The following BCAR3 variants were observed in gnomAD, a reference collection of about 807,000 sequenced individuals.
The protein encoded by BCAR3 is breast cancer anti-estrogen resistance protein 3.
BCAR3 carries 37 observed loss-of-function variants against 80.1 expected under a neutral mutation model. The observed-to-expected ratio is 0.46, with a 90% CI of 0.36 to 0.61. The LOEUF (loss-of-function observed/expected upper bound fraction) is 0.61, where lower values mean the gene tolerates loss of function less well. Among genes scored for constraint, BCAR3 ranks in the 20% least tolerant of loss-of-function variants. The pLI, the probability that BCAR3 is intolerant of heterozygous loss-of-function variation, is 0.00. For missense variants in BCAR3, 978 were observed against 1,068.2 expected (o/e 0.92, Z 1.18); for synonymous variants, 389 against 418.9 (o/e 0.93, Z 0.87).
chr1:93,665,309 C>G (rs1310086369), intron 2 of BCAR3, among the ~76,000 whole-genome samples: 1 of 152,028 alleles, frequency 6.6e-6, no homozygotes, highest in Non-Finnish European at 1.5e-5. Flanking sequence ...GCCCTGAAAA[C>G]ATGTCTGCCT....
At chr1:93,637,532 TA>T (rs1410053757) in intron 3 of BCAR3, among the ~76,000 whole-genome samples, 1 of 151,792 alleles carries the variant, frequency 6.6e-6, no homozygotes, top group African/African-American at 2.4e-5. Flanking sequence ...CAGGGGAAAA[TA>T]AAAGGAAGAG....
At chr1:93,725,064 C>A (rs988776206) in intron 2 of BCAR3, among the ~76,000 whole-genome samples, 1 of 152,218 alleles carries the variant, frequency 6.6e-6, no homozygotes, top group African/African-American at 2.4e-5. Context: ...TCTGCTTTGT[C>A]TTTCGTAGCC....
At chr1:93,635,313 TGGGG>T (rs1675746494) in intron 3 of BCAR3, among the ~76,000 whole-genome samples, 3 of 151,650 alleles carry the variant, frequency 2.0e-5, no homozygotes, top group African/African-American at 7.3e-5. Flanking sequence ...TGAAGGACTT[TGGGG>T]TTGTCTCCAG....
intron 2 of BCAR3, among the ~76,000 whole-genome samples, chr1:93,821,018 C>T (rs75383596): frequency 0.024 from 3,725 of 152,258 alleles, 76 homozygotes; most frequent in Non-Finnish European, 0.035. Context: ...AAAAAAACTC[C>T]TGTCACCCCT....
chr1:93,802,635 G>A (rs1557693355), intron 2 of BCAR3, among the ~76,000 whole-genome samples: 1 of 152,194 alleles, frequency 6.6e-6, no homozygotes, highest in Non-Finnish European at 1.5e-5. Flanking sequence ...GGGAGTAAAG[G>A]AATATCTAGG....
intron 2 of BCAR3, among the ~76,000 whole-genome samples, chr1:93,673,310 C>T (rs768035930): frequency 2.0e-5 from 3 of 152,196 alleles, no homozygotes; most frequent in Non-Finnish European, 4.4e-5. Flanking sequence ...TTCCACCACC[C>T]TATAAAAGGG....
At chr1:93,630,514 G>A (rs1675586407) in intron 3 of BCAR3, among the ~76,000 whole-genome samples, 1 of 151,916 alleles carries the variant, frequency 6.6e-6, no homozygotes, top group African/African-American at 2.4e-5. Context: ...CATGCCTGTA[G>A]ACCCAGCTAC....
At chr1:93,759,050 C>A (rs543706551) in intron 2 of BCAR3, among the ~76,000 whole-genome samples, 238 of 152,240 alleles carry the variant, frequency 1.6e-3, no homozygotes, top group African/African-American at 5.4e-3. Context: ...TTAGGTATAA[C>A]CCCAGCCAGT....
intron 2 of BCAR3, among the ~76,000 whole-genome samples, chr1:93,719,344 T>TTTG (rs1650305525): frequency 7.6e-6 from 1 of 131,558 alleles, no homozygotes; most frequent in Non-Finnish European, 1.6e-5. Flanking sequence ...GTTTTTTTTT[T>TTTG]TTTTTTTTTT....
Position 93,567,769 on chromosome 1 carries a change from G to A in BCAR3, c.2057C>T (p.Pro686Leu). Reference protein sequence around the residue: ...TAILYEKQLKPFSKLLHEGRE... With the variant: ...TAILYEKQLKLFSKLLHEGRE... ...GCCTTCATGCAGGAGTTTGCTGAAG[G>A]GCTTCAGCTGTTTCTCATAGAGAAT... Residue 686 changes from proline (P) to leucine (L), a missense_variant, in exon 10 of 12, where the codon CCC (proline) becomes CTC (leucine). Pro to Leu is a moderately conservative substitution (Grantham distance 98). Coordinates refer to ENST00000260502, the MANE Select transcript of BCAR3 (RefSeq NM_003567.4). 1 of 1,614,228 alleles carries A rather than the reference G, an allele frequency of 6.2e-7. No individual in the cohort carries two copies.
intron 2 of BCAR3, chr1:93,720,242 A>T (rs1441561950): frequency 1.3e-5 from 2 of 152,238 alleles, no homozygotes; most frequent in East Asian, 3.9e-4. Context: ...AGCTCTGTGG[A>T]CGTGCAGCTT....
rs1292049032 is a variant in BCAR3 at position 93,779,190 on chromosome 1, C to T, written c.-63+66377G>A. Among the ~76,000 whole-genome samples the T allele has an allele frequency of 3.3e-5, 5 of 151,858 alleles. No individual in the cohort carries two copies. The East Asian group carries it at 9.8e-4, about 30-fold the overall frequency. ...GTATAGGAAGCATGGTGAAGATAGG[C>T]CACCTAATGATTAACAAAATCGTTA... On this transcript the variant is annotated intron_variant, in intron 2 of 13. Coordinates refer to the BCAR3 transcript ENST00000370244.
chr1:93,739,026 T>C (rs1651090827), intron 2 of BCAR3, among the ~76,000 whole-genome samples: 1 of 152,162 alleles, frequency 6.6e-6, no homozygotes, highest in Non-Finnish European at 1.5e-5. Flanking sequence ...GCACTGCCTC[T>C]AATCTCCTGG....
intron 3 of BCAR3, among the ~76,000 whole-genome samples, chr1:93,703,566 T>C (rs918467470): frequency 6.6e-5 from 3 of 45,642 alleles, no homozygotes; most frequent in Middle Eastern, 0.016. Flanking sequence ...CCCTGTCTCT[T>C]AAAAAGAAAA....
intron 2 of BCAR3, among the ~76,000 whole-genome samples, chr1:93,746,768 C>T: frequency 6.6e-6 from 1 of 152,162 alleles, no homozygotes; most frequent in East Asian, 1.9e-4. Flanking sequence ...ACAACTCCCA[C>T]ACTCCTGAGA....
At chr1:93,611,774 C>A (rs774771350) in intron 3 of BCAR3, among the ~76,000 whole-genome samples, 10 of 152,196 alleles carry the variant, frequency 6.6e-5, no homozygotes, top group Non-Finnish European at 1.0e-4. Context: ...AGGAGGGACC[C>A]TCTATATTTT....
At chr1:93,737,123 T>C (rs1213209402) in intron 2 of BCAR3, among the ~76,000 whole-genome samples, 2 of 152,286 alleles carry the variant, frequency 1.3e-5, no homozygotes, top group East Asian at 1.9e-4. Flanking sequence ...GTGGTCAGAT[T>C]TGCTTTTCAG....
chr1:93,619,956 C>T lies in BCAR3; in HGVS notation c.357+22348G>A, dbSNP rs115827397. The stretch of plus-strand genomic sequence containing the variant: ...CTTCTCTGAGCCTTAGTTTCCTCCC[C>T]AGACTTACCAAGTTATTGTAAGCAT... On this transcript the variant is annotated intron_variant, in intron 3 of 11. Transcript: ENST00000260502. Among the ~76,000 whole-genome samples the T allele has an allele frequency of 3.2e-3, 492 of 152,338 alleles. 8 individuals carry two copies. Among genetic ancestry groups the T allele is most frequent in the African/African-American group, 0.012 (483 of 41,572 alleles).
chr1:93,846,831 G>T, intron 1 of BCAR3: 1 of 473,930 alleles, frequency 2.1e-6, no homozygotes, highest in East Asian at 7.5e-5. Flanking sequence ...CTGCGGCGCG[G>T]GGCGCGTCGC....
Sources: allele counts gnomAD v4.1 joint callset (sites outside exome capture counted in the v4.1 genomes callset), GRCh38; gene constraint gnomAD v4.1.1; transcripts MANE v1.5; gene names NCBI Gene and HGNC (gene_info 2026-07-23, HGNC 2026-07-21).